NEO1: variants seen among roughly 807,000 people sequenced by gnomAD.
NEO1 encodes the protein neogenin 1.
Under a neutral mutation model 159.7 loss-of-function variants are expected in NEO1, and 63 were observed. The ratio of observed to expected loss-of-function variants is 0.39; its 90% CI spans 0.32 to 0.49. The LOEUF (loss-of-function observed/expected upper bound fraction) is 0.49. Among genes scored for constraint, NEO1 ranks in the 20% least tolerant of loss-of-function variants. The probability of loss-of-function intolerance (pLI) is 0.85; values close to 1 mark genes in which losing one functional copy is unlikely to be tolerated. For synonymous variants in NEO1, 633 were observed against 662.0 expected (o/e 0.96, Z 0.67); for missense variants, 1,615 against 1,831.0 (o/e 0.88, Z 2.15).
intron 7 of NEO1, among the ~76,000 whole-genome samples, chr15:73,185,342 G>A (rs749226331): frequency 2.6e-4 from 39 of 152,256 alleles, no homozygotes; most frequent in Admixed American, 9.8e-4. Context: ...ACTTTAGTGG[G>A]GGATGTTGAT....
chr15:73,092,742 T>C (rs2069764570), intron 1 of NEO1, among the ~76,000 whole-genome samples: 1 of 152,208 alleles, frequency 6.6e-6, no homozygotes, highest in South Asian at 2.1e-4. Flanking sequence ...AGCTTTATTT[T>C]TTAGATCAGT....
At chr15:73,246,999 T>C (rs1304796909) in intron 9 of NEO1, among the ~76,000 whole-genome samples, 2 of 152,180 alleles carry the variant, frequency 1.3e-5, no homozygotes, top group Admixed American at 1.3e-4. Context: ...TCTGGTACCA[T>C]AGACAACAGT....
rs755599556 is a variant in NEO1, at chr15:73,116,546, G to A, written c.137G>A (p.Ser46Asn). The change falls in exon 2 of 29, where the codon AGC (serine) becomes AAC (asparagine). Residue 46 changes from serine (S) to asparagine (N), a missense_variant. Ser to Asn is a conservative substitution (Grantham distance 46, BLOSUM62 1). This residue lies in a region of NEO1 where 1,018 missense variants were observed against 1,115.4 expected (regional missense o/e 0.91). Transcript: ENST00000261908. ...SGSAPQSPGA[S>N]IRTFTPFYFL... ...TTTTTCTTTATTTTTGTAGGAGCCA[G>A]CATTCGAACGTTCACTCCATTTTAT... The A allele has an allele frequency of 4.6e-6, 7 of 1,518,790 alleles. No homozygotes were observed. Among genetic ancestry groups the A allele is most frequent in the Non-Finnish European group, 6.1e-6 (7 of 1,138,708 alleles). The allele number at this position is 1,518,790 out of a possible 1,614,324, so 94.1% of individuals were successfully genotyped here.
intron 15 of NEO1, among the ~76,000 whole-genome samples, chr15:73,261,616 ATG>A (rs1211228811): frequency 6.6e-6 from 1 of 152,190 alleles, no homozygotes; most frequent in East Asian, 1.9e-4. Flanking sequence ...GACTTATAAA[ATG>A]TGTGTAATAT....
At chr15:73,202,778 C>T (rs118086472) in intron 7 of NEO1, among the ~76,000 whole-genome samples, 1 of 152,162 alleles carries the variant, frequency 6.6e-6, no homozygotes, top group Non-Finnish European at 1.5e-5. Flanking sequence ...ACTCTGTGCC[C>T]ATTCAACAAA....
chr15:73,158,880 G>T (rs1324484127), intron 5 of NEO1, among the ~76,000 whole-genome samples: 1 of 152,180 alleles, frequency 6.6e-6, no homozygotes, highest in African/African-American at 2.4e-5. Flanking sequence ...CATAATAGGT[G>T]TAACAAGCAA....
intron 1 of NEO1, among the ~76,000 whole-genome samples, chr15:73,098,714 T>C (rs536953334): frequency 6.6e-6 from 1 of 152,324 alleles, no homozygotes; most frequent in South Asian, 2.1e-4. Flanking sequence ...GTGAATAGCC[T>C]TGCTTGTACC....
intron 2 of NEO1, among the ~76,000 whole-genome samples, chr15:73,118,871 T>G (rs1414368482): frequency 1.3e-5 from 2 of 152,244 alleles, no homozygotes; most frequent in Non-Finnish European, 2.9e-5. Context: ...TCTTTATTGA[T>G]GAACAATTAA....
chr15:73,215,630 A>G (rs776581888), intron 7 of NEO1, among the ~76,000 whole-genome samples: 6 of 152,184 alleles, frequency 3.9e-5, no homozygotes, highest in Non-Finnish European at 8.8e-5. Context: ...CTAGTATGAA[A>G]CACACTTGAT....
At chr15:73,141,850 G>A (rs866231600) in intron 5 of NEO1, among the ~76,000 whole-genome samples, 38 of 152,044 alleles carry the variant, frequency 2.5e-4, no homozygotes, top group Admixed American at 3.3e-4. Flanking sequence ...CTTGGCTTCG[G>A]GATAAAAAGC....
At chr15:73,098,943 A>G (rs989899670) in intron 1 of NEO1, among the ~76,000 whole-genome samples, 1 of 152,186 alleles carries the variant, frequency 6.6e-6, no homozygotes, top group East Asian at 1.9e-4. Context: ...ATAGGTGAGC[A>G]ATTGTATCTC....
At chr15:73,174,995 A>G (rs899480) in intron 5 of NEO1, among the ~76,000 whole-genome samples, 14,934 of 151,984 alleles carry the variant, frequency 0.098, 1,007 homozygotes, top group African/African-American at 0.18. Flanking sequence ...CTGGGGTTCT[A>G]TCTCCTTTTT....
chr15:73,117,679 AGAGTATATT>A (rs1188981084), intron 2 of NEO1, among the ~76,000 whole-genome samples: 1 of 152,216 alleles, frequency 6.6e-6, no homozygotes, highest in East Asian at 1.9e-4. Flanking sequence ...TGCTCACTCC[AGAGTATATT>A]TGCTTATACA....
rs1226807194 is a variant in NEO1, at chr15:73,236,422, A to G, written c.1367A>G (p.Lys456Arg). 3 of 1,614,078 alleles carry G rather than the reference A, an allele frequency of 1.9e-6. No individual in the cohort carries two copies. Among genetic ancestry groups the G allele is most frequent in the Admixed American group, 1.7e-5 (1 of 60,026 alleles). Residue 456 changes from lysine (K) to arginine (R), a missense_variant, in exon 8 of 29, where the codon AAA becomes AGA. Lys to Arg is a conservative substitution (Grantham distance 26). Transcript: ENST00000261908. ...TCCCTGGTCTCTACCCGCTTCATCA[A>G]ATTGACGTGGCGGACACCTGCATCA... is the stretch of plus-strand genomic sequence containing the variant. ...VASLVSTRFIKLTWRTPASDP... is the reference protein window; with the variant it reads ...VASLVSTRFIRLTWRTPASDP...
chr15:73,270,045 C>G lies in NEO1; in HGVS notation c.2530C>G (p.Pro844Ala). The change falls in exon 17 of 29, where the codon CCA (proline) becomes GCA (alanine). Residue 844 changes from proline (P) to alanine (A), a missense_variant. Coordinates refer to ENST00000261908, the MANE Select transcript of NEO1 (RefSeq NM_002499.4). ...AGTTGATTTATTTGTTATTAATGCT[C>G]CATACACTCCAGTGCCAGATCCCAC... ...SEVDLFVINA[P>A]YTPVPDPTPM... The G allele has an allele frequency of 6.2e-7, 1 of 1,614,116 alleles. No homozygotes were observed. The highest frequency in any genetic ancestry group is 8.5e-7 in the Non-Finnish European group (1 of 1,180,010).
In NEO1 at chr15:73,122,061, GTGTA is replaced by G. The variant is rs1181461077; in HGVS notation, c.449-462_449-459del. 4.5e-3 allele frequency among the ~76,000 whole-genome samples: 289 copies of G among 63,692 alleles called. 1 individual carries two copies. The highest frequency in any genetic ancestry group is 0.021 in the Middle Eastern group (2 of 94). The allele number at this position is 63,692 out of a possible 152,430, so 41.8% of individuals were successfully genotyped here. On this transcript the variant is annotated intron_variant, in intron 2 of 28. Coordinates refer to ENST00000261908, the MANE Select transcript of NEO1 (RefSeq NM_002499.4). Reference sequence around the variant, plus strand: ...GAAATATATAGGGGTGTGTGTGTGTGTGTATATATATATATATATATATATATAT... The same window carrying G: ...GAAATATATAGGGGTGTGTGTGTGTGTATATATATATATATATATATATAT...
At chr15:73,301,755 C>T (rs888933517) in intron 28 of NEO1, among the ~76,000 whole-genome samples, 10 of 152,082 alleles carry the variant, frequency 6.6e-5, no homozygotes, top group South Asian at 2.1e-4. Context: ...ACAACGTCTG[C>T]GTCCTGGGTT....
At position 73,278,077 on chromosome 15, in the gene NEO1, G is replaced by A. The variant is rs932456829; in HGVS notation, c.3194-54G>A. 82 of 1,504,762 alleles carry A rather than the reference G, an allele frequency of 5.4e-5. 2 individuals are homozygous for A. The South Asian group carries it at 6.6e-4, about 12-fold the overall frequency. 93.2% of individuals were successfully genotyped at this position (1,504,762 alleles called of 1,614,324 possible). The stretch of plus-strand genomic sequence containing the variant: ...TAAAACACTCCCTAGCTATGAAGTG[G>A]ACTGTCACGCCAAATGTGTGGGGTC... On this transcript the variant is annotated intron_variant, in intron 21 of 28. Transcript: ENST00000261908.
intron 22 of NEO1, among the ~76,000 whole-genome samples, chr15:73,279,363 T>TTTTTTTTTTTTTTTTTG (rs2041583286): frequency 6.8e-6 from 1 of 146,706 alleles, no homozygotes; most frequent in Admixed American, 7.0e-5. Context: ...TTTTTTTTTT[T>TTTTTTTTTTTTTTTTTG]TTTGAGATGG....
Sources: gnomAD v4.1 joint callset for allele counts (sites outside exome capture counted in the v4.1 genomes callset) on GRCh38, gnomAD v4.1.1 for gene constraint, gnomAD v4.1.1 regional missense constraint, MANE v1.5 for transcripts, NCBI Gene and HGNC (gene_info 2026-07-23, HGNC 2026-07-21) for gene names.